The following KYNU variants were observed in gnomAD, a reference collection of about 807,000 sequenced individuals.
KYNU encodes the protein L-kynurenine hydrolase.
In KYNU, 54 loss-of-function variants were observed where a neutral mutation model predicts 59.2. The observed-to-expected ratio is 0.91, with a 90% confidence interval of 0.73 to 1.14. The LOEUF is 1.14. KYNU is among the 50% of genes most tolerant of loss of function. The probability of loss-of-function intolerance (pLI) is 0.00; values close to 1 mark genes in which losing one functional copy is unlikely to be tolerated. For missense variants in KYNU, 567 were observed against 554.4 expected (o/e 1.02, Z -0.23); for synonymous variants, 177 against 192.0 (o/e 0.92, Z 0.65).
intron 4 of KYNU, among the ~76,000 whole-genome samples, chr2:142,933,018 TGGA>T (rs533493357): frequency 1.4e-3 from 218 of 152,230 alleles, no homozygotes; most frequent in Non-Finnish European, 2.2e-3. Flanking sequence ...AGCATACAGT[TGGA>T]GGAGTCATGG....
chr2:143,020,501 T>C (rs978057646), intron 10 of KYNU, among the ~76,000 whole-genome samples: 1 of 152,186 alleles, frequency 6.6e-6, no homozygotes, highest in Non-Finnish European at 1.5e-5. Flanking sequence ...ATACTTGATA[T>C]GACTGCAACA....
chr2:143,030,725 T>A (rs1231729960), intron 11 of KYNU, among the ~76,000 whole-genome samples: 1 of 152,098 alleles, frequency 6.6e-6, no homozygotes, highest in East Asian at 1.9e-4. Context: ...AGATAATATT[T>A]TATATATATA....
intron 10 of KYNU, among the ~76,000 whole-genome samples, chr2:143,017,218 G>A (rs553801572): frequency 2.6e-5 from 4 of 151,992 alleles, no homozygotes; most frequent in African/African-American, 9.7e-5. Flanking sequence ...ATACAAGTGC[G>A]TGTGTCTTTT....
At chr2:142,961,362 G>A (rs1348449118) in intron 8 of KYNU, among the ~76,000 whole-genome samples, 1 of 147,068 alleles carries the variant, frequency 6.8e-6, no homozygotes, top group Non-Finnish European at 1.5e-5. Context: ...CTAGTCAGCA[G>A]GCCAGGCAAG....
chr2:143,001,387 T>G (rs1318962130), intron 10 of KYNU, among the ~76,000 whole-genome samples: 1 of 152,206 alleles, frequency 6.6e-6, no homozygotes, highest in Non-Finnish European at 1.5e-5. Context: ...TAACTATTTT[T>G]GGATTATTAA....
At chr2:142,926,425 TA>T (rs1030695629) in intron 3 of KYNU, among the ~76,000 whole-genome samples, 4 of 151,238 alleles carry the variant, frequency 2.6e-5, no homozygotes, top group Non-Finnish European at 4.4e-5. Flanking sequence ...TTCTCTGTAG[TA>T]AAAAAAAATA....
chr2:143,008,403 T>G (rs1473323670), intron 10 of KYNU, among the ~76,000 whole-genome samples: 374 of 38,634 alleles, frequency 9.7e-3, no homozygotes, highest in Non-Finnish European at 0.011. Flanking sequence ...CCCAGATTCA[T>G]AAAGCAAGTC....
intron 10 of KYNU, among the ~76,000 whole-genome samples, chr2:143,004,171 T>C (rs1033190363): frequency 1.3e-5 from 2 of 152,236 alleles, no homozygotes; most frequent in African/African-American, 2.4e-5. Flanking sequence ...GAATACCAGA[T>C]ATATTCAAGT....
At chr2:142,888,371 T>A (rs1026091991) in intron 2 of KYNU, among the ~76,000 whole-genome samples, 4 of 152,088 alleles carry the variant, frequency 2.6e-5, no homozygotes, top group African/African-American at 9.7e-5. Flanking sequence ...AGTGGGAGGA[T>A]CACCTAAGCC....
intron 8 of KYNU, among the ~76,000 whole-genome samples, chr2:142,980,979 C>T (rs1034062898): frequency 1.3e-5 from 2 of 151,978 alleles, no homozygotes; most frequent in African/African-American, 2.4e-5. Context: ...TAAGATGCTG[C>T]CATCTAGTGA....
At position 142,982,156 on chromosome 2, in the gene KYNU, G is replaced by A. The variant is rs561361668; in HGVS notation, c.730-2928G>A. On this transcript the variant is annotated intron_variant, in intron 8 of 13. Transcript: ENST00000264170. Reference sequence around the variant, plus strand: ...CCATTGAGAGTTGTGTGCCTTCAGTGTTCCAAAAAATCTAGTTTGGAGCAG... The same window carrying A: ...CCATTGAGAGTTGTGTGCCTTCAGTATTCCAAAAAATCTAGTTTGGAGCAG... Among the ~76,000 whole-genome samples the A allele has an allele frequency of 3.9e-5, 6 of 152,148 alleles. No individual in the cohort carries two copies. In the South Asian group the frequency reaches 1.2e-3, roughly 32 times the overall value.
chr2:142,990,712 T>G (rs1438072441), intron 10 of KYNU, among the ~76,000 whole-genome samples: 1 of 151,910 alleles, frequency 6.6e-6, no homozygotes, highest in Non-Finnish European at 1.5e-5. Flanking sequence ...CTTGGGATAC[T>G]TTTCTTCTGA....
chr2:142,966,363 CTGG>C (rs1261317459), intron 8 of KYNU, among the ~76,000 whole-genome samples: 1 of 152,162 alleles, frequency 6.6e-6, no homozygotes, highest in Non-Finnish European at 1.5e-5. Flanking sequence ...CAGCCTCTGT[CTGG>C]ATTCAGTCAA....
chr2:142,906,078 C>A (rs755916368), intron 2 of KYNU, among the ~76,000 whole-genome samples: 5 of 150,580 alleles, frequency 3.3e-5, no homozygotes, highest in African/African-American at 1.2e-4. Context: ...TCCTCTCTGT[C>A]TCTCTCTCTC....
At chr2:143,006,636 C>T (rs1685912375) in intron 10 of KYNU, among the ~76,000 whole-genome samples, 1 of 148,458 alleles carries the variant, frequency 6.7e-6, no homozygotes, top group Admixed American at 6.7e-5. Flanking sequence ...GCAGTAACCT[C>T]TGCAGACTTA....
intron 12 of KYNU, among the ~76,000 whole-genome samples, chr2:143,037,144 A>G (rs2104922782): frequency 6.6e-6 from 1 of 152,286 alleles, no homozygotes; most frequent in Non-Finnish European, 1.5e-5. Context: ...AGTTCTTAAA[A>G]TATTGTGGAT....
chr2:142,966,849 GA>G (rs954948685), intron 8 of KYNU, among the ~76,000 whole-genome samples: 4 of 150,940 alleles, frequency 2.7e-5, no homozygotes, highest in African/African-American at 9.7e-5. Flanking sequence ...AACATGTTAA[GA>G]AAAAAAATTG....
chr2:143,006,390 G>A (rs1212653477), intron 10 of KYNU, among the ~76,000 whole-genome samples: 1 of 151,872 alleles, frequency 6.6e-6, no homozygotes, highest in Non-Finnish European at 1.5e-5. Context: ...TCCCACACCT[G>A]GCTCGGAGGG....
intron 2 of KYNU, among the ~76,000 whole-genome samples, chr2:142,911,925 A>C (rs1317044338): frequency 1.3e-5 from 2 of 152,094 alleles, no homozygotes; most frequent in Admixed American, 1.3e-4. Flanking sequence ...TAACTTTTTC[A>C]TGTGCTTCTG....
Sources: allele counts gnomAD v4.1 joint callset (sites outside exome capture counted in the v4.1 genomes callset), GRCh38; gene constraint gnomAD v4.1.1; transcripts MANE v1.5; gene names NCBI Gene and HGNC (gene_info 2026-07-23, HGNC 2026-07-21).